SLCO3A1: variants seen among roughly 807,000 people sequenced by gnomAD.
The protein encoded by SLCO3A1 is solute carrier organic anion transporter family member 3A1.
A neutral mutation model predicts 63.1 loss-of-function variants in SLCO3A1; 27 were observed. The ratio of observed to expected loss-of-function variants is 0.43; its 90% confidence interval spans 0.32 to 0.59. The LOEUF is 0.59. SLCO3A1 is among the 20% of genes least tolerant of loss of function. The pLI, the probability that SLCO3A1 is intolerant of heterozygous loss-of-function variation, is 0.09. For missense variants in SLCO3A1, 773 were observed against 945.8 expected (o/e 0.82, Z 2.40); for synonymous variants, 473 against 409.9 (o/e 1.15, Z -1.86).
intron 1 of SLCO3A1, among the ~76,000 whole-genome samples, chr15:91,864,194 G>A (rs1897111663): frequency 6.6e-6 from 1 of 152,156 alleles, no homozygotes; most frequent in Non-Finnish European, 1.5e-5. Context: ...TGTGGCCCAG[G>A]GTGGGCCTGT....
In SLCO3A1 at chr15:91,853,969, G is replaced by T; in HGVS notation, c.61G>T (p.Asp21Tyr). Residue 21 changes from aspartate to tyrosine, a missense_variant, in exon 1 of 10, where the codon GAC becomes TAC. Coordinates refer to ENST00000318445, the MANE Select transcript of SLCO3A1 (RefSeq NM_013272.4). ...CGGCCGGAGCGGCGAGCTGCAGGGG[G>T]ACGAGGCGCAGAGGAACAAGAAAAA... is the stretch of plus-strand genomic sequence containing the variant. ...GGGRSGELQG[D>Y]EAQRNKKKKK... 1.3e-6 allele frequency: 2 copies of T among 1,504,906 alleles called. No individual in the cohort carries two copies. Among genetic ancestry groups the T allele is most frequent in the Non-Finnish European group, 1.8e-6 (2 of 1,124,250 alleles). The allele number at this position is 1,504,906 out of a possible 1,614,324, so 93.2% of individuals were successfully genotyped here.
At chr15:92,157,019 A>G (rs894237335) in intron 9 of SLCO3A1, 4 of 152,236 alleles carry the variant, frequency 2.6e-5, no homozygotes, top group East Asian at 1.9e-4. Context: ...GAAAACAGAG[A>G]CAGTGTTCTT....
intron 2 of SLCO3A1, among the ~76,000 whole-genome samples, chr15:92,067,752 A>G (rs537843308): frequency 1.3e-5 from 2 of 152,264 alleles, no homozygotes; most frequent in South Asian, 2.1e-4. Flanking sequence ...AATCACACCT[A>G]TGTTAGTCCT....
chr15:92,105,717 C>T (rs1045618214), intron 4 of SLCO3A1, among the ~76,000 whole-genome samples: 1 of 152,194 alleles, frequency 6.6e-6, no homozygotes, highest in Non-Finnish European at 1.5e-5. Flanking sequence ...TGGGCTCATG[C>T]AGCCAGGAGC....
chr15:92,163,869 G>C lies in SLCO3A1; in HGVS notation c.*734G>C. 1.0e-6 allele frequency: 1 copy of C among 985,704 alleles called. No individual in the cohort carries two copies. Among genetic ancestry groups the C allele is most frequent in the Non-Finnish European group, 1.2e-6 (1 of 830,156 alleles). 61.1% of individuals were successfully genotyped at this position (985,704 alleles called of 1,614,324 possible). A position where few individuals can be genotyped will look rare whatever the true frequency, so the allele number is the denominator to read the frequency against. ...GGGCCTGAGGGGGAGCCAGGTGGGG[G>C]GCCAGCACCTCCCAGTGGCGGGCAT... On this transcript the variant is annotated 3_prime_UTR_variant, in exon 10 of 10. Transcript: ENST00000318445.
intron 1 of SLCO3A1, among the ~76,000 whole-genome samples, chr15:91,874,214 C>T (rs983550940): frequency 1.3e-5 from 2 of 152,186 alleles, no homozygotes; most frequent in Admixed American, 1.3e-4. Flanking sequence ...AATGTGGTCT[C>T]TCTCAATACA....
chr15:91,895,669 T>C (rs1343944616), intron 1 of SLCO3A1, among the ~76,000 whole-genome samples: 1 of 152,254 alleles, frequency 6.6e-6, no homozygotes. Context: ...TCATTTCATA[T>C]GATATGAGAT....
Position 91,998,106 on chromosome 15 carries a change from G to A in SLCO3A1, c.646+81648G>A, listed in dbSNP as rs556454027. On this transcript the variant is annotated intron_variant, in intron 2 of 9. Coordinates refer to ENST00000318445, the MANE Select transcript of SLCO3A1 (RefSeq NM_013272.4). ...CAAACTATGCATTCGACAAAGGTCT[G>A]TTATCCAAAATTAATAAGAAACTTA... is the stretch of plus-strand genomic sequence containing the variant. Among the ~76,000 whole-genome samples the A allele has an allele frequency of 3.3e-5, 5 of 152,324 alleles. No homozygotes were observed. The South Asian group carries it at 1.0e-3, about 32-fold the overall frequency.
intron 2 of SLCO3A1, among the ~76,000 whole-genome samples, chr15:92,073,246 A>G (rs1387530653): frequency 6.6e-6 from 1 of 152,210 alleles, no homozygotes; most frequent in East Asian, 1.9e-4. Flanking sequence ...CAGTGTTGAC[A>G]TAGAGTCTAA....
chr15:92,093,886 C>CCTGCT (rs2047507416), intron 2 of SLCO3A1, among the ~76,000 whole-genome samples: 1 of 152,112 alleles, frequency 6.6e-6, no homozygotes, highest in African/African-American at 2.4e-5. Context: ...CATCTCTCAC[C>CCTGCT]CTGCTCTCCA....
chr15:91,913,521 C>G (rs1326865096), intron 1 of SLCO3A1, among the ~76,000 whole-genome samples: 1 of 152,210 alleles, frequency 6.6e-6, no homozygotes, highest in Non-Finnish European at 1.5e-5. Context: ...GATTGAGAAC[C>G]ACTAGGCTCA....
intron 2 of SLCO3A1, among the ~76,000 whole-genome samples, chr15:92,053,684 G>GTTTTTTTTTTTTTTTTT (rs1567092399): frequency 6.7e-5 from 1 of 14,920 alleles, no homozygotes. Flanking sequence ...TTGTTTTTTT[G>GTTTTTTTTTTTTTTTTT]TTTGTTTGTT....
At chr15:91,873,535 C>G (rs1897325903) in intron 1 of SLCO3A1, among the ~76,000 whole-genome samples, 2 of 136,342 alleles carry the variant, frequency 1.5e-5, no homozygotes, top group East Asian at 4.1e-4. Flanking sequence ...CATTCATACA[C>G]ACACACACAC....
intron 2 of SLCO3A1, among the ~76,000 whole-genome samples, chr15:91,918,603 T>A (rs1172232690): frequency 6.6e-6 from 1 of 152,224 alleles, no homozygotes; most frequent in Non-Finnish European, 1.5e-5. Context: ...TAATTTAAGA[T>A]CATAGCATAT....
At chr15:92,132,189 C>G (rs1442283454) in intron 7 of SLCO3A1, among the ~76,000 whole-genome samples, 1 of 145,846 alleles carries the variant, frequency 6.9e-6, no homozygotes, top group Non-Finnish European at 1.5e-5. Flanking sequence ...CCACTCACCA[C>G]TTTATCGTTT....
intron 4 of SLCO3A1, among the ~76,000 whole-genome samples, chr15:92,117,954 A>C (rs1038990464): frequency 6.6e-6 from 1 of 152,220 alleles, no homozygotes; most frequent in African/African-American, 2.4e-5. Flanking sequence ...AACACAGGAA[A>C]ATTTCCCAAC....
chr15:92,038,922 C>A (rs2046761038), intron 2 of SLCO3A1, among the ~76,000 whole-genome samples: 1 of 152,122 alleles, frequency 6.6e-6, no homozygotes. Flanking sequence ...ACCAATGGAA[C>A]AGAACAGAGA....
chr15:92,026,367 C>T (rs926876920), intron 2 of SLCO3A1, among the ~76,000 whole-genome samples: 3 of 152,200 alleles, frequency 2.0e-5, no homozygotes, highest in African/African-American at 7.2e-5. Flanking sequence ...AGAAGTTTCT[C>T]ACTAAGGAGA....
In SLCO3A1 at chr15:91,854,285, C is replaced by T; in HGVS notation, c.180+197C>T. ...GGGCTGCCAGCGAGCGGGTAGCGGG[C>T]GGGACCGTTGATGCCGGTAGCAGCT... On this transcript the variant is annotated intron_variant, in intron 1 of 9. Transcript: ENST00000318445. This position sits in a 1 kb window ranked among gnomAD's most constrained non-coding sequence, Gnocchi z 6.4. The T allele has an allele frequency of 9.2e-7, 1 of 1,084,148 alleles. No individual in the cohort carries two copies. Among genetic ancestry groups the T allele is most frequent in the Non-Finnish European group, 1.1e-6 (1 of 891,100 alleles). The allele number at this position is 1,084,148 out of a possible 1,614,324, so 67.2% of individuals were successfully genotyped here. A position where few individuals can be genotyped will look rare whatever the true frequency, so the allele number is the denominator to read the frequency against.
Sources: allele counts gnomAD v4.1 joint callset (sites outside exome capture counted in the v4.1 genomes callset), GRCh38; gene constraint gnomAD v4.1.1; non-coding constraint Gnocchi (gnomAD v3.1); transcripts MANE v1.5; gene names NCBI Gene and HGNC (gene_info 2026-07-23, HGNC 2026-07-21).